ARL15: variants seen among roughly 807,000 people sequenced by gnomAD.
ARL15 encodes ARF like GTPase 15, also known as ADP-ribosylation factor-like protein 15.
A neutral mutation model predicts 25.2 loss-of-function variants in ARL15; 19 were observed. That is an observed-to-expected ratio of 0.75 (90% CI 0.53 to 1.10). The LOEUF (loss-of-function observed/expected upper bound fraction) is 1.10, where lower values mean the gene tolerates loss of function less well. Ranked by LOEUF, ARL15 falls within the 50% of genes least tolerant of loss-of-function variation. The pLI is 0.00. For missense variants in ARL15, 220 were observed against 246.0 expected (o/e 0.89, Z 0.71); for synonymous variants, 94 against 86.8 (o/e 1.08, Z -0.46).
intron 3 of ARL15, among the ~76,000 whole-genome samples, chr5:54,128,182 C>T (rs545351333): frequency 1.4e-4 from 21 of 152,334 alleles, no homozygotes; most frequent in African/African-American, 5.1e-4. Flanking sequence ...TGAACCCAAA[C>T]ATTATGACCT....
chr5:54,277,825 G>C (rs887470737), intron 1 of ARL15, among the ~76,000 whole-genome samples: 34 of 152,134 alleles, frequency 2.2e-4, no homozygotes, highest in African/African-American at 6.8e-4. Flanking sequence ...AGCTCTTCTT[G>C]ATAACCAAAA....
At position 54,310,537 on chromosome 5, in the gene ARL15, T is replaced by C. The variant is rs1758871440; in HGVS notation, c.-58A>G. 4 of 1,542,352 alleles carry C rather than the reference T, an allele frequency of 2.6e-6. No individual in the cohort carries two copies. Among genetic ancestry groups the C allele is most frequent in the Middle Eastern group, 1.7e-4 (1 of 5,868 alleles). ...ACCCGGAAAAAAAAAGCAGCGTCTC[T>C]GGCTGCGAGCGAGCAGCTCCTGAAA... On this transcript the variant is annotated 5_prime_UTR_variant, in exon 1 of 5. Coordinates refer to ENST00000504924, the MANE Select transcript of ARL15 (RefSeq NM_019087.3).
chr5:53,887,880 T>C (rs1744587059), intron 4 of ARL15, among the ~76,000 whole-genome samples: 1 of 152,210 alleles, frequency 6.6e-6, no homozygotes, highest in Non-Finnish European at 1.5e-5. Flanking sequence ...CTACTGTTTG[T>C]TGACAGTAGA....
chr5:54,274,542 G>A (rs886742353), intron 1 of ARL15, among the ~76,000 whole-genome samples: 2 of 152,228 alleles, frequency 1.3e-5, no homozygotes, highest in African/African-American at 4.8e-5. Context: ...CCAGAAAGGT[G>A]GTATGCTAGC....
intron 4 of ARL15, among the ~76,000 whole-genome samples, chr5:54,058,388 TA>T (rs1406750524): frequency 1.3e-5 from 2 of 152,186 alleles, no homozygotes; most frequent in Non-Finnish European, 2.9e-5. Flanking sequence ...AATTAAGTAT[TA>T]AATAAACAAG....
intron 4 of ARL15, among the ~76,000 whole-genome samples, chr5:53,927,949 T>C (rs1413890482): frequency 6.6e-6 from 1 of 152,146 alleles, no homozygotes; most frequent in Non-Finnish European, 1.5e-5. Context: ...CTGTAAGATG[T>C]TGCTAATAAT....
intron 4 of ARL15, among the ~76,000 whole-genome samples, chr5:54,096,756 C>A (rs552622977): frequency 6.6e-6 from 1 of 152,052 alleles, no homozygotes; most frequent in African/African-American, 2.4e-5. Flanking sequence ...AAATTCTAAA[C>A]CAAGGTATTT....
intron 4 of ARL15, among the ~76,000 whole-genome samples, chr5:54,103,847 T>C (rs1752511274): frequency 6.6e-6 from 1 of 152,196 alleles, no homozygotes; most frequent in Admixed American, 6.5e-5. Flanking sequence ...GCCAAAAATA[T>C]GTGATTTTCG....
intron 1 of ARL15, among the ~76,000 whole-genome samples, chr5:54,227,715 CA>C (rs202208274): frequency 0.01 from 1,544 of 152,296 alleles, 30 homozygotes; most frequent in African/African-American, 0.035. Context: ...AGGGATACTT[CA>C]CTTACAACTG....
At chr5:54,130,313 G>A (rs1419211161) in intron 3 of ARL15, among the ~76,000 whole-genome samples, 3 of 152,124 alleles carry the variant, frequency 2.0e-5, no homozygotes, top group African/African-American at 4.8e-5. Flanking sequence ...TTGGTTAACT[G>A]TCAAGAGAGA....
At chr5:54,078,256 C>G (rs902708924) in intron 4 of ARL15, among the ~76,000 whole-genome samples, 2 of 152,124 alleles carry the variant, frequency 1.3e-5, no homozygotes, top group African/African-American at 4.8e-5. Context: ...CTCAGAATAG[C>G]TTTTGCTTAG....
At chr5:54,270,101 T>C (rs1757742632) in intron 1 of ARL15, among the ~76,000 whole-genome samples, 1 of 152,230 alleles carries the variant, frequency 6.6e-6, no homozygotes, top group Admixed American at 6.5e-5. Flanking sequence ...TTCAATTCTT[T>C]GGACTTCTTC....
intron 1 of ARL15, among the ~76,000 whole-genome samples, chr5:54,260,482 G>A (rs1757473914): frequency 6.6e-6 from 1 of 152,104 alleles, no homozygotes; most frequent in Non-Finnish European, 1.5e-5. Context: ...ACTAATTCAA[G>A]AGTTGAACAA....
intron 4 of ARL15, among the ~76,000 whole-genome samples, chr5:53,911,472 A>G (rs1294686914): frequency 1.3e-5 from 2 of 151,912 alleles, no homozygotes; most frequent in East Asian, 3.9e-4. Context: ...AGTTCTTACT[A>G]TCTTATAGAT....
chr5:53,986,720 C>T (rs1748311393), intron 4 of ARL15, among the ~76,000 whole-genome samples: 1 of 152,164 alleles, frequency 6.6e-6, no homozygotes, highest in Non-Finnish European at 1.5e-5. Context: ...TTGTAGTTTT[C>T]GTTCATTCAG....
At chr5:53,987,691 C>T (rs1053468732) in intron 4 of ARL15, among the ~76,000 whole-genome samples, 1 of 152,140 alleles carries the variant, frequency 6.6e-6, no homozygotes, top group Non-Finnish European at 1.5e-5. Context: ...TGGTTCACAC[C>T]TGTAATCCCA....
At chr5:53,981,511 T>G (rs943554888) in intron 4 of ARL15, among the ~76,000 whole-genome samples, 2 of 152,186 alleles carry the variant, frequency 1.3e-5, no homozygotes, top group Non-Finnish European at 2.9e-5. Context: ...GTGCATATAT[T>G]TCAGTACAAT....
intron 4 of ARL15, among the ~76,000 whole-genome samples, chr5:54,066,462 T>TC (rs1267660046): frequency 1.3e-5 from 2 of 152,188 alleles, no homozygotes; most frequent in African/African-American, 4.8e-5. Context: ...TACAACACTA[T>TC]CCATACACTT....
chr5:53,938,172 T>C (rs1746413322), intron 4 of ARL15, among the ~76,000 whole-genome samples: 1 of 152,152 alleles, frequency 6.6e-6, no homozygotes, highest in African/African-American at 2.4e-5. Flanking sequence ...TTTACTTGTA[T>C]GGCTCTTCTA....
Sources: gnomAD v4.1 joint callset for allele counts (sites outside exome capture counted in the v4.1 genomes callset) on GRCh38, gnomAD v4.1.1 for gene constraint, MANE v1.5 for transcripts, NCBI Gene and HGNC (gene_info 2026-07-23, HGNC 2026-07-21) for gene names.